Variants in PHTF2 observed in about 807,000 individuals in gnomAD.
The protein encoded by PHTF2 is putative homeodomain transcription factor 2, also known as protein PHTF2.
A neutral mutation model predicts 101.2 loss-of-function variants in PHTF2; 60 were observed. The ratio of observed to expected loss-of-function variants is 0.59; its 90% CI spans 0.48 to 0.73. The LOEUF (loss-of-function observed/expected upper bound fraction) is 0.73. Among genes scored for constraint, PHTF2 ranks in the 30% least tolerant of loss-of-function variants. The pLI is 0.00. For synonymous variants in PHTF2, 311 were observed against 307.3 expected, an observed-to-expected ratio of 1.01 and a Z score of -0.13; for missense variants, 747 against 908.7, an observed-to-expected ratio of 0.82 and a Z score of 2.29.
intron 12 of PHTF2, among the ~76,000 whole-genome samples, chr7:77,934,409 C>A (rs776772186): frequency 1.7e-4 from 26 of 152,242 alleles, no homozygotes; most frequent in Non-Finnish European, 3.7e-4. Context: ...AAGTGTAAAG[C>A]TTTAAATGGC....
chr7:77,923,553 G>C, intron 11 of PHTF2: 38 of 985,348 alleles, frequency 3.9e-5, no homozygotes, highest in Non-Finnish European at 4.6e-5. Context: ...TTGTGGTTGT[G>C]TCTCTGGTTA....
chr7:77,800,280 C>G (rs1362350579), intron 1 of PHTF2, among the ~76,000 whole-genome samples: 3 of 152,088 alleles, frequency 2.0e-5, no homozygotes, highest in Non-Finnish European at 4.4e-5. Context: ...ACCTCCATAA[C>G]GTAGAGGAGA....
In PHTF2 at chr7:77,837,986, T is replaced by C. The variant is rs909156301; in HGVS notation, c.-35-2235T>C. 2.6e-5 allele frequency among the ~76,000 whole-genome samples: 4 copies of C among 152,126 alleles called. No individual in the cohort carries two copies. In the East Asian group the frequency reaches 5.8e-4, roughly 22 times the overall value. ...AATCTGGAATATTTGTCAATAAAGATTGGGTAAAGTGAAAAGAGGGTAAAG... is the reference window on the plus strand; with the variant it reads ...AATCTGGAATATTTGTCAATAAAGACTGGGTAAAGTGAAAAGAGGGTAAAG... On this transcript the variant is annotated intron_variant, in intron 1 of 19. Transcript: ENST00000416283.
exon 8 of PHTF2, chr7:77,908,933 C>T (rs36004157): frequency 1.9e-6 from 3 of 1,611,490 alleles, no homozygotes; most frequent in Admixed American, 1.7e-5. Context: ...CAAACCTCCT[C>T]TAAGTACAGG....
chr7:77,872,345 T>C (rs1290195620), intron 3 of PHTF2, among the ~76,000 whole-genome samples: 1 of 152,222 alleles, frequency 6.6e-6, no homozygotes, highest in Non-Finnish European at 1.5e-5. Context: ...TTCACAGTTT[T>C]TGACCACTCA....
chr7:77,932,607 AGAGAGAGAGAGAGAGTGT>A (rs1804689766), intron 12 of PHTF2, among the ~76,000 whole-genome samples: 4 of 85,956 alleles, frequency 4.7e-5, no homozygotes, highest in East Asian at 4.0e-4. Context: ...AGAGAAAGAG[AGAGAGAGAGAGAGAGTGT>A]GTGTGTGTGT....
intron 3 of PHTF2, among the ~76,000 whole-genome samples, chr7:77,889,089 C>A (rs1419918142): frequency 6.6e-6 from 1 of 152,154 alleles, no homozygotes; most frequent in Admixed American, 6.5e-5. Context: ...GCAAATTATT[C>A]TTTATCCATG....
At chr7:77,842,236 T>C (rs1795943456) in intron 2 of PHTF2, among the ~76,000 whole-genome samples, 2 of 152,186 alleles carry the variant, frequency 1.3e-5, no homozygotes, top group South Asian at 4.1e-4. Context: ...AGGGTCTCAC[T>C]CTGTTAACAC....
chr7:77,896,885 T>A (rs1206417117), intron 5 of PHTF2, among the ~76,000 whole-genome samples: 1 of 152,142 alleles, frequency 6.6e-6, no homozygotes, highest in Non-Finnish European at 1.5e-5. Flanking sequence ...ACTAGAGAAA[T>A]CAAAGACATG....
At chr7:77,913,089 A>G (rs369585419) in intron 9 of PHTF2, among the ~76,000 whole-genome samples, 3 of 152,114 alleles carry the variant, frequency 2.0e-5, no homozygotes, top group South Asian at 2.1e-4. Context: ...GAAAATGTCA[A>G]TTTAAAAAGA....
At position 77,809,864 on chromosome 7, in the gene PHTF2, G is replaced by A. The variant is rs567201861; in HGVS notation, c.-36+10893G>A. On this transcript the variant is annotated intron_variant, in intron 1 of 19. Coordinates refer to ENST00000416283, the Ensembl canonical transcript of PHTF2. ...ATGACCTTTAGCTTTTCTTCTGATG[G>A]AAGCAGATTATATGAATTGGTAAAA... Among the ~76,000 whole-genome samples the A allele has an allele frequency of 4.6e-5, 7 of 152,244 alleles. No individual in the cohort carries two copies. The East Asian group carries it at 5.8e-4, about 13-fold the overall frequency.
intron 3 of PHTF2, among the ~76,000 whole-genome samples, chr7:77,869,159 GTAAT>G (rs1562894457): frequency 2.6e-5 from 4 of 152,108 alleles, no homozygotes; most frequent in South Asian, 2.1e-4. Flanking sequence ...TAATTGATAC[GTAAT>G]TAATTATACA....
chr7:77,825,378 G>A (rs1794625602), intron 1 of PHTF2, among the ~76,000 whole-genome samples: 1 of 152,160 alleles, frequency 6.6e-6, no homozygotes, highest in Non-Finnish European at 1.5e-5. Context: ...GACCTAGGAG[G>A]TGAATAGGAA....
At chr7:77,837,402 G>A (rs549497548) in intron 1 of PHTF2, among the ~76,000 whole-genome samples, 36 of 152,170 alleles carry the variant, frequency 2.4e-4, no homozygotes, top group African/African-American at 7.5e-4. Flanking sequence ...TTATACCCAC[G>A]TGTAATTGGG....
intron 3 of PHTF2, among the ~76,000 whole-genome samples, chr7:77,855,277 C>T (rs968817209): frequency 1.3e-5 from 2 of 152,174 alleles, no homozygotes; most frequent in African/African-American, 2.4e-5. Flanking sequence ...GCTACAGCCT[C>T]GAATGGGCAC....
chr7:77,858,014 G>A (rs187293290), intron 3 of PHTF2, among the ~76,000 whole-genome samples: 1 of 152,202 alleles, frequency 6.6e-6, no homozygotes, highest in African/African-American at 2.4e-5. Flanking sequence ...AGAAAAGTGG[G>A]TATTTAGTTG....
At chr7:77,951,257 A>C (rs531980495) in intron 17 of PHTF2, among the ~76,000 whole-genome samples, 2 of 152,334 alleles carry the variant, frequency 1.3e-5, no homozygotes, top group East Asian at 3.9e-4. Flanking sequence ...TGGGCAACAT[A>C]GCAAGACCCC....
chr7:77,880,411 G>A (rs1452161629), intron 3 of PHTF2, among the ~76,000 whole-genome samples: 5 of 152,130 alleles, frequency 3.3e-5, no homozygotes, highest in Non-Finnish European at 7.4e-5. Context: ...ATCCCATCCT[G>A]TATGTAGATA....
chr7:77,854,608 G>C lies in PHTF2; in HGVS notation c.46-125G>C, dbSNP rs529779623. 310 of 627,128 alleles carry C rather than the reference G, an allele frequency of 4.9e-4. 3 individuals are homozygous for C. The highest frequency in any genetic ancestry group is 4.5e-3 in the South Asian group (250 of 55,310). The allele number at this position is 627,128 out of a possible 1,614,324, so 38.8% of individuals were successfully genotyped here. ...AGGGCAGGTACAGAAATGCCATCCA[G>C]GAGCCAGAGCCTGGAGTCAGGAATC... is the stretch of plus-strand genomic sequence containing the variant. On this transcript the variant is annotated intron_variant, in intron 2 of 19. Transcript: ENST00000416283.
Sources: allele counts gnomAD v4.1 joint callset (sites outside exome capture counted in the v4.1 genomes callset), GRCh38; gene constraint gnomAD v4.1.1; transcripts MANE v1.5; gene names NCBI Gene and HGNC (gene_info 2026-07-23, HGNC 2026-07-21).